DRC1: variants seen among roughly 807,000 people sequenced by gnomAD.
The protein encoded by DRC1 is dynein regulatory complex subunit 1.
DRC1 carries 74 observed loss-of-function variants against 98.7 expected under a neutral mutation model. That is an observed-to-expected ratio of 0.75 (90% CI 0.62 to 0.91). The LOEUF is 0.91. Ranked by LOEUF, DRC1 falls within the 40% of genes least tolerant of loss-of-function variation. The pLI is 0.00. For synonymous variants in DRC1, 336 were observed against 334.1 expected (o/e 1.01, Z -0.06); for missense variants, 875 against 886.0 (o/e 0.99, Z 0.16).
rs1430795160 is a variant in DRC1, at chr2:26,431,919, G to T, written c.801G>T (p.Glu267Asp). 2.5e-6 allele frequency: 4 copies of T among 1,613,990 alleles called. No homozygotes were observed. The African/African-American group carries it at 5.3e-5, about 22-fold the overall frequency. Residue 267 changes from glutamate (E) to aspartate (D), a missense_variant, in exon 7 of 17, where the codon GAG becomes GAT. Coordinates refer to ENST00000288710, the MANE Select transcript of DRC1 (RefSeq NM_145038.5). ...TTAACAACCGCATGAAGAAAGTAGAGGACTATGAGAAGCAGCTGAACAGGC... is the reference window on the plus strand; with the variant it reads ...TTAACAACCGCATGAAGAAAGTAGATGACTATGAGAAGCAGCTGAACAGGC... Reference protein sequence around the residue: ...EYLNNRMKKVEDYEKQLNRQR... With the variant: ...EYLNNRMKKVDDYEKQLNRQR...
chr2:26,410,473 T>C (rs1216514392), intron 1 of DRC1, among the ~76,000 whole-genome samples: 2 of 152,032 alleles, frequency 1.3e-5, no homozygotes, highest in Non-Finnish European at 2.9e-5. Flanking sequence ...GGTTTCACCA[T>C]GTTGGCCAGG....
Position 26,454,495 on chromosome 2 carries a change from C to A in DRC1, c.1920-152C>A. On this transcript the variant is annotated intron_variant, in intron 14 of 16. Coordinates refer to ENST00000288710, the MANE Select transcript of DRC1 (RefSeq NM_145038.5). The surrounding 1 kb of genome is among the most constrained non-coding windows in gnomAD (Gnocchi z 5.2). Reference sequence around the variant, plus strand: ...GGCAGGAACGTTGACAATAAGCATGCGTCCTTTCTGAGAACCTGCCACCGT... The same window carrying A: ...GGCAGGAACGTTGACAATAAGCATGAGTCCTTTCTGAGAACCTGCCACCGT... 9.0e-7 allele frequency: 1 copy of A among 1,113,316 alleles called. No individual in the cohort carries two copies. The highest frequency in any genetic ancestry group is 1.3e-6 in the Non-Finnish European group (1 of 783,138). The allele number at this position is 1,113,316 out of a possible 1,614,324, so 69.0% of individuals were successfully genotyped here.
At chr2:26,408,093 G>C (rs1025345503) in intron 1 of DRC1, among the ~76,000 whole-genome samples, 2 of 152,146 alleles carry the variant, frequency 1.3e-5, no homozygotes, top group African/African-American at 4.8e-5. Context: ...TAGAAATAAA[G>C]TTCTCTTTTG....
At chr2:26,440,303 T>C in intron 7 of DRC1, 75 bp from the exon 8 acceptor site, 1 of 1,407,954 alleles carries the variant, frequency 7.1e-7, no homozygotes, top group Non-Finnish European at 9.3e-7. Context: ...AGGATGCAGG[T>C]GTAGAGTTAG....
In DRC1 at chr2:26,405,018, G is replaced by T. The variant is rs59504196; in HGVS notation, c.155+2874G>T. The stretch of plus-strand genomic sequence containing the variant: ...AGGCCCCTTTGGGGAAGAACTGGGG[G>T]AATCATTACAATATATATTTGCCGT... On this transcript the variant is annotated intron_variant, in intron 1 of 16. Transcript: ENST00000288710. Among the ~76,000 whole-genome samples, 1,228 of 152,280 alleles carry T rather than the reference G, an allele frequency of 8.1e-3. 21 individuals carry two copies. The highest frequency in any genetic ancestry group is 0.028 in the African/African-American group (1,158 of 41,564).
rs372064233 is a variant in DRC1, at chr2:26,409,102, T to G, written c.156-5242T>G. 1.5e-4 allele frequency among the ~76,000 whole-genome samples: 23 copies of G among 151,668 alleles called. No homozygotes were observed. The East Asian group carries it at 1.5e-3, about 10-fold the overall frequency. On this transcript the variant is annotated intron_variant, in intron 1 of 16. Transcript: ENST00000288710. ...GCAGGCCACCATGCCCGGCTAATTT[T>G]TTTTTTTTTTTTAGAGATGGAGTCC...
intron 8 of DRC1, among the ~76,000 whole-genome samples, chr2:26,443,931 G>T (rs1663784462): frequency 6.6e-6 from 1 of 152,160 alleles, no homozygotes; most frequent in Non-Finnish European, 1.5e-5. Context: ...TCTGACAAAT[G>T]ATGTATTGTG....
At chr2:26,404,085 G>C (rs1171358341) in intron 1 of DRC1, among the ~76,000 whole-genome samples, 1 of 151,966 alleles carries the variant, frequency 6.6e-6, no homozygotes, top group South Asian at 2.1e-4. Context: ...GGGCGACAGA[G>C]CGAGACTCTG....
chr2:26,442,431 A>G (rs1663741486), intron 8 of DRC1, among the ~76,000 whole-genome samples: 2 of 152,176 alleles, frequency 1.3e-5, no homozygotes, highest in Non-Finnish European at 1.5e-5. Context: ...TTTGGTTTAA[A>G]TGACCCTAAA....
intron 7 of DRC1, among the ~76,000 whole-genome samples, chr2:26,436,797 G>A (rs1026499039): frequency 6.6e-6 from 1 of 152,210 alleles, no homozygotes; most frequent in Non-Finnish European, 1.5e-5. Flanking sequence ...GCAAGGCCAG[G>A]AGAAGAAGGA....
At chr2:26,409,845 CTG>C (rs1312464485) in intron 1 of DRC1, among the ~76,000 whole-genome samples, 1 of 151,922 alleles carries the variant, frequency 6.6e-6, no homozygotes, top group Admixed American at 6.6e-5. Context: ...GAGTCAGTAA[CTG>C]AGGATTTCTA....
intron 1 of DRC1, among the ~76,000 whole-genome samples, chr2:26,409,826 T>A (rs1359711396): frequency 6.6e-6 from 1 of 152,182 alleles, no homozygotes; most frequent in African/African-American, 2.4e-5. Flanking sequence ...GCTTTTTAGT[T>A]CTTGTCATGA....
Position 26,444,263 on chromosome 2 carries a change from A to G in DRC1, c.1070A>G (p.Lys357Arg), listed in dbSNP as rs755494118. Residue 357 changes from lysine to arginine, a missense_variant, in exon 9 of 17, where the codon AAG becomes AGG. Transcript: ENST00000288710. ...ILNNLRSKYAKQIKQFQEENQ... is the reference protein window; with the variant it reads ...ILNNLRSKYARQIKQFQEENQ... ...AACAATCTGAGATCAAAATATGCCA[A>G]GCAAATAAAGCAGTTTCAGGAGGAG... 1.7e-5 allele frequency: 28 copies of G among 1,614,090 alleles called. No homozygotes were observed. The highest frequency in any genetic ancestry group is 2.7e-5 in the African/African-American group (2 of 74,936).
At chr2:26,421,671 C>T (rs1663147528) in intron 3 of DRC1, among the ~76,000 whole-genome samples, 1 of 151,702 alleles carries the variant, frequency 6.6e-6, no homozygotes, top group Non-Finnish European at 1.5e-5. Context: ...AGTGATTCTC[C>T]TGCCTCAGCC....
chr2:26,450,532 T>G (rs986487690), intron 12 of DRC1, 60 bp from the exon 13 acceptor site: 15 of 1,493,270 alleles, frequency 1.0e-5, no homozygotes, highest in Non-Finnish European at 1.3e-5. Context: ...ATCTGTCAGC[T>G]GCCCAAGCCC....
Position 26,431,932 on chromosome 2 carries a change from C to G in DRC1, c.814C>G (p.Gln272Glu). 6.2e-7 allele frequency: 1 copy of G among 1,614,188 alleles called. No individual in the cohort carries two copies. Among genetic ancestry groups the G allele is most frequent in the Non-Finnish European group, 8.5e-7 (1 of 1,180,006 alleles). The change falls in exon 7 of 17, where the codon CAG becomes GAG. Residue 272 changes from glutamine to glutamate, a missense_variant. Gln to Glu is a conservative substitution (Grantham distance 29, BLOSUM62 2). Coordinates refer to ENST00000288710, the MANE Select transcript of DRC1 (RefSeq NM_145038.5). ...RMKKVEDYEK[Q>E]LNRQRIWDCE... ...GAAGAAAGTAGAGGACTATGAGAAGCAGCTGAACAGGCAGAGGATCTGGGA... is the reference window on the plus strand; with the variant it reads ...GAAGAAAGTAGAGGACTATGAGAAGGAGCTGAACAGGCAGAGGATCTGGGA...
rs185080052 is a variant in DRC1, at chr2:26,409,055, C to A, written c.156-5289C>A. The stretch of plus-strand genomic sequence containing the variant: ...CAAGCAGTCCTCCTGCCTCAGCCTC[C>A]TGAGTGTCTGGCACTACAGGTGCAG... On this transcript the variant is annotated intron_variant, in intron 1 of 16. Coordinates refer to ENST00000288710, the MANE Select transcript of DRC1 (RefSeq NM_145038.5). 3.5e-4 allele frequency among the ~76,000 whole-genome samples: 53 copies of A among 151,984 alleles called. No individual in the cohort carries two copies. The East Asian group carries it at 9.9e-3, about 28-fold the overall frequency.
chr2:26,450,684 A>G lies in DRC1; in HGVS notation c.1689+3A>G. 6.3e-7 allele frequency: 1 copy of G among 1,589,590 alleles called. No individual in the cohort carries two copies. The highest frequency in any genetic ancestry group is 8.6e-7 in the Non-Finnish European group (1 of 1,168,816). On this transcript the variant is annotated splice_donor_region_variant and intron_variant, in intron 13 of 16. Coordinates refer to ENST00000288710, the MANE Select transcript of DRC1 (RefSeq NM_145038.5). ...ACCGTTTATCTTCCAGCCTCCAGGT[A>G]AGGCAAGGTGCAGAGAGAAGAAAGC...
intron 8 of DRC1, among the ~76,000 whole-genome samples, chr2:26,442,927 C>T (rs1054703827): frequency 2.0e-5 from 3 of 152,082 alleles, no homozygotes; most frequent in South Asian, 2.1e-4. Context: ...TTGTTAGCTT[C>T]GGTAATTAGA....
Sources: allele counts gnomAD v4.1 joint callset (sites outside exome capture counted in the v4.1 genomes callset), GRCh38; gene constraint gnomAD v4.1.1; non-coding constraint Gnocchi (gnomAD v3.1); transcripts MANE v1.5; gene names NCBI Gene and HGNC (gene_info 2026-07-23, HGNC 2026-07-21).